Variants in TRPC5 observed in about 807,000 individuals in gnomAD.
TRPC5 encodes the protein transient receptor potential cation channel subfamily C member 5.
Under a neutral mutation model 56.5 loss-of-function variants are expected in TRPC5, and 9 were observed. That is an observed-to-expected ratio of 0.16 (90% CI 0.10 to 0.28). TRPC5 has a LOEUF of 0.28. Ranked by LOEUF, TRPC5 falls within the 10% of genes least tolerant of loss-of-function variation. The pLI is 1.00. For missense variants in TRPC5, 469 were observed against 748.9 expected (o/e 0.63, Z 4.36); for synonymous variants, 282 against 278.5 (o/e 1.01, Z -0.13).
chrX:111,877,348 C>T (rs926215316), intron 3 of TRPC5, among the ~76,000 whole-genome samples: 4 of 111,708 alleles, frequency 3.6e-5, no homozygotes, highest in African/African-American at 1.3e-4. Flanking sequence ...GAATTAGGAG[C>T]TCATGAGGAA....
chrX:112,049,566 G>A (rs1224025858), intron 1 of TRPC5, among the ~76,000 whole-genome samples: 1 of 107,299 alleles, frequency 9.3e-6, no homozygotes, highest in Admixed American at 1.0e-4. Flanking sequence ...ACAGGATCTC[G>A]CTATGTTGCC....
rs767950264 is a variant in TRPC5 at position 111,776,861 on chromosome X, C to T, written c.2374G>A (p.Ala792Thr). Residue 792 changes from alanine to threonine, a missense_variant, in exon 11 of 11, where the codon GCC (alanine) becomes ACC (threonine). This residue lies in a region of TRPC5 where 194 missense variants were observed against 221.8 expected (regional missense o/e 0.87). Transcript: ENST00000262839. ...TTAAAAGAGACACTCTTGGATTTGG[C>T]CCGAGCCCCACCACTGCCATCATTA... is the stretch of plus-strand genomic sequence containing the variant. ...DNNDGSGGARAKSKSVSFNLG... is the reference protein window; with the variant it reads ...DNNDGSGGARTKSKSVSFNLG... 9.9e-6 allele frequency: 12 copies of T among 1,209,696 alleles called. No individual in the cohort carries two copies. Among genetic ancestry groups the T allele is most frequent in the Non-Finnish European group, 1.2e-5 (11 of 895,161 alleles).
At chrX:111,841,510 A>C (rs1366752271) in intron 6 of TRPC5, among the ~76,000 whole-genome samples, 4 of 112,071 alleles carry the variant, frequency 3.6e-5, no homozygotes, top group Non-Finnish European at 7.5e-5. Flanking sequence ...ATAGCATGGC[A>C]GTGAGGATTA....
chrX:111,880,017 G>A (rs1172366056), intron 3 of TRPC5, among the ~76,000 whole-genome samples: 1 of 111,796 alleles, frequency 8.9e-6, no homozygotes, highest in African/African-American at 3.2e-5. Flanking sequence ...CGTGGTAGTG[G>A]TGGTGGTGAT....
chrX:111,934,754 CATA>C (rs1212347439), intron 2 of TRPC5, among the ~76,000 whole-genome samples: 1 of 111,801 alleles, frequency 8.9e-6, no homozygotes, highest in Non-Finnish European at 1.9e-5. Flanking sequence ...ATTCACTTAA[CATA>C]ATGTCCTCCA....
chrX:111,884,084 G>GTC lies in TRPC5; in HGVS notation c.900+28205_900+28206dup, dbSNP rs776284501. ...AAGTCAGAGCCTAGGTAAGGCTTAA[G>GTC]TCTAGTTAAGTATTAGGCAGAAACT... On this transcript the variant is annotated intron_variant, in intron 3 of 10. Transcript: ENST00000262839. Among the ~76,000 whole-genome samples, 3 of 112,549 alleles carry GTC rather than the reference G, an allele frequency of 2.7e-5. No individual in the cohort carries two copies. The South Asian group carries it at 1.1e-3, about 41-fold the overall frequency.
chrX:111,889,650 G>T (rs1310895777), intron 3 of TRPC5, among the ~76,000 whole-genome samples: 1 of 111,695 alleles, frequency 9.0e-6, no homozygotes, highest in Non-Finnish European at 1.9e-5. Flanking sequence ...AACTTTGGGA[G>T]GTAGAGGTAT....
At chrX:111,931,132 G>T (rs1926402846) in intron 2 of TRPC5, 1 of 111,248 alleles carries the variant, frequency 9.0e-6, no homozygotes, top group Admixed American at 9.5e-5. Context: ...AAAAGAACAG[G>T]TTTGTAGAAC....
In TRPC5 at chrX:112,045,532, G is replaced by A. The variant is rs766183977; in HGVS notation, c.-22+36347C>T. Among the ~76,000 whole-genome samples the A allele has an allele frequency of 1.1e-4, 12 of 111,836 alleles. No individual in the cohort carries two copies. The South Asian group carries it at 4.5e-3, about 42-fold the overall frequency. ...ACAGCAGTCACAGAAAACTAATATA[G>A]GTGGTATGAAAATTAAAGGCCCCTG... is the stretch of plus-strand genomic sequence containing the variant. On this transcript the variant is annotated intron_variant, in intron 1 of 10. Transcript: ENST00000262839.
At chrX:111,885,772 A>C (rs887918800) in intron 3 of TRPC5, among the ~76,000 whole-genome samples, 1 of 111,191 alleles carries the variant, frequency 9.0e-6, no homozygotes, top group Non-Finnish European at 1.9e-5. Flanking sequence ...GTTTAAACTC[A>C]AAAGCCACAC....
intron 2 of TRPC5, among the ~76,000 whole-genome samples, chrX:111,938,602 A>G (rs1302130187): frequency 1.8e-5 from 2 of 111,389 alleles, no homozygotes; most frequent in Non-Finnish European, 3.8e-5. Context: ...CTATTGAGAT[A>G]ATCATGTGGT....
At chrX:111,838,085 GTAAA>G (rs1394309594) in intron 6 of TRPC5, among the ~76,000 whole-genome samples, 1 of 106,954 alleles carries the variant, frequency 9.3e-6, no homozygotes. Flanking sequence ...CTACATATGA[GTAAA>G]TAAATAAATA....
chrX:112,074,013 T>G (rs1202031804), intron 1 of TRPC5, among the ~76,000 whole-genome samples: 2 of 112,026 alleles, frequency 1.8e-5, no homozygotes, highest in Non-Finnish European at 3.8e-5. Context: ...TGCACATGTT[T>G]ACTCTGGCCA....
Position 111,833,892 on chromosome X carries a change from C to T in TRPC5, c.1896+1029G>A, listed in dbSNP as rs1922487466. On this transcript the variant is annotated intron_variant, in intron 7 of 10. Transcript: ENST00000262839. ...ATAGCATCTAGAAAGGAAAACAAGA[C>T]GTGGGTTTATTTATTTTGTACTTTC... 6.3e-5 allele frequency among the ~76,000 whole-genome samples: 7 copies of T among 111,354 alleles called. No homozygotes were observed. In the Admixed American group the frequency reaches 6.7e-4, roughly 11 times the overall value.
At chrX:111,968,249 G>T (rs1277800788) in intron 1 of TRPC5, among the ~76,000 whole-genome samples, 2 of 111,230 alleles carry the variant, frequency 1.8e-5, no homozygotes, top group Non-Finnish European at 3.8e-5. Context: ...GGCCATCAGA[G>T]AAATGCAAAT....
chrX:111,832,644 G>A (rs759302385), intron 7 of TRPC5, among the ~76,000 whole-genome samples: 8 of 111,479 alleles, frequency 7.2e-5, no homozygotes, highest in Non-Finnish European at 1.1e-4. Flanking sequence ...ACACACTCCC[G>A]TGGGATCCAA....
At position 112,061,273 on chromosome X, in the gene TRPC5, A is replaced by G. The variant is rs766518503; in HGVS notation, c.-22+20606T>C. 9.7e-4 allele frequency among the ~76,000 whole-genome samples: 109 copies of G among 112,164 alleles called. 2 individuals carry two copies. Among genetic ancestry groups the G allele is most frequent in the Non-Finnish European group, 6.8e-4 (36 of 53,261 alleles). On this transcript the variant is annotated intron_variant, in intron 1 of 10. Coordinates refer to ENST00000262839, the MANE Select transcript of TRPC5 (RefSeq NM_012471.3). The stretch of plus-strand genomic sequence containing the variant: ...ACAAGAGTTGAGAGAGGGTATCTTC[A>G]TCTCCTACTGAACATCAGCATTCAG...
intron 7 of TRPC5, among the ~76,000 whole-genome samples, chrX:111,787,219 G>A (rs930887995): frequency 1.8e-5 from 2 of 112,110 alleles, no homozygotes; most frequent in Admixed American, 9.5e-5. Flanking sequence ...TCAGACCACA[G>A]TGCAATCAAA....
At chrX:111,888,429 C>T in intron 3 of TRPC5, among the ~76,000 whole-genome samples, 1 of 105,885 alleles carries the variant, frequency 9.4e-6, no homozygotes, top group Admixed American at 1.0e-4. Context: ...AATCCCAGAA[C>T]TTTGGGAGGC....
Sources: gnomAD v4.1 joint callset for allele counts (sites outside exome capture counted in the v4.1 genomes callset) on GRCh38, gnomAD v4.1.1 for gene constraint, gnomAD v4.1.1 regional missense constraint, MANE v1.5 for transcripts, NCBI Gene and HGNC (gene_info 2026-07-23, HGNC 2026-07-21) for gene names.